The following KCNB2 variants were observed in gnomAD, a reference collection of about 807,000 sequenced individuals.
KCNB2 encodes the protein potassium voltage-gated channel subfamily B member 2.
In KCNB2, 15 loss-of-function variants were observed where a neutral mutation model predicts 61.5. The observed-to-expected ratio is 0.24, with a 90% CI of 0.16 to 0.38. KCNB2 has a LOEUF of 0.38. KCNB2 is among the 10% of genes least tolerant of loss of function. KCNB2 has a pLI of 1.00. For synonymous variants in KCNB2, 457 were observed against 446.0 expected, an observed-to-expected ratio of 1.02 and a Z score of -0.31; for missense variants, 828 against 1,125.2, an observed-to-expected ratio of 0.74 and a Z score of 3.78.
intron 2 of KCNB2, among the ~76,000 whole-genome samples, chr8:72,578,433 C>G (rs1402707905): frequency 1.3e-5 from 2 of 152,094 alleles, no homozygotes; most frequent in Non-Finnish European, 2.9e-5. Context: ...AAAAAGCTAA[C>G]ACACTTTATT....
At chr8:72,756,427 G>C (rs1454680678) in intron 2 of KCNB2, among the ~76,000 whole-genome samples, 2 of 152,210 alleles carry the variant, frequency 1.3e-5, no homozygotes, top group Admixed American at 6.5e-5. Flanking sequence ...TGCAAAGACA[G>C]TGATTGGAAC....
At chr8:72,766,584 T>G (rs1288540817) in intron 2 of KCNB2, among the ~76,000 whole-genome samples, 1 of 152,198 alleles carries the variant, frequency 6.6e-6, no homozygotes, top group Non-Finnish European at 1.5e-5. Flanking sequence ...GAGCACTTTC[T>G]TGAGTGAATT....
intron 2 of KCNB2, among the ~76,000 whole-genome samples, chr8:72,872,195 C>A (rs538384138): frequency 6.6e-6 from 1 of 152,282 alleles, no homozygotes. Context: ...GCATGTGGTG[C>A]ATTTTATGGA....
chr8:72,598,069 G>A (rs1807227986), intron 2 of KCNB2, among the ~76,000 whole-genome samples: 1 of 152,116 alleles, frequency 6.6e-6, no homozygotes, highest in South Asian at 2.1e-4. Flanking sequence ...CAAAGACATG[G>A]AATCAACCTA....
chr8:72,932,844 TA>T (rs200422449), intron 2 of KCNB2, among the ~76,000 whole-genome samples: 2 of 151,954 alleles, frequency 1.3e-5, no homozygotes, highest in Admixed American at 6.6e-5. Flanking sequence ...TTTATTGTGT[TA>T]AAAAAAACTC....
intron 2 of KCNB2, among the ~76,000 whole-genome samples, chr8:72,581,852 G>T (rs1449298977): frequency 1.3e-5 from 2 of 152,078 alleles, no homozygotes; most frequent in East Asian, 1.9e-4. Flanking sequence ...CTTTGCTAGG[G>T]TTGCTCATTT....
chr8:72,587,739 G>GA (rs890603716), intron 2 of KCNB2, among the ~76,000 whole-genome samples: 6 of 150,792 alleles, frequency 4.0e-5, no homozygotes, highest in East Asian at 3.9e-4. Context: ...GTCTCAATGG[G>GA]AAAAAAAAGG....
chr8:72,552,820 C>T (rs1241698475), intron 1 of KCNB2, among the ~76,000 whole-genome samples: 4 of 152,078 alleles, frequency 2.6e-5, no homozygotes, highest in Non-Finnish European at 4.4e-5. Context: ...AACACTTTCT[C>T]TGTAAGTATC....
chr8:72,680,157 C>A (rs1806728230), intron 2 of KCNB2, among the ~76,000 whole-genome samples: 1 of 152,166 alleles, frequency 6.6e-6, no homozygotes, highest in South Asian at 2.1e-4. Flanking sequence ...AACTCTAATT[C>A]TTTTACAGGC....
At chr8:72,726,383 C>T (rs923912011) in intron 2 of KCNB2, among the ~76,000 whole-genome samples, 5 of 152,272 alleles carry the variant, frequency 3.3e-5, no homozygotes, top group South Asian at 4.1e-4. Flanking sequence ...CATTTTGTTA[C>T]GGCAACCCAT....
intron 1 of KCNB2, among the ~76,000 whole-genome samples, chr8:72,539,038 AAAGTTT>A (rs1806154508): frequency 6.6e-6 from 1 of 151,104 alleles, no homozygotes; most frequent in Admixed American, 6.7e-5. Flanking sequence ...TCAAGAAAAT[AAAGTTT>A]TGTTTTATCT....
intron 2 of KCNB2, among the ~76,000 whole-genome samples, chr8:72,813,330 C>CTTT (rs78143664): frequency 1.3e-5 from 2 of 149,462 alleles, no homozygotes; most frequent in Admixed American, 6.7e-5. Context: ...AGTCTGAAGA[C>CTTT]TTTTTTTTTT....
intron 2 of KCNB2, among the ~76,000 whole-genome samples, chr8:72,791,393 T>A (rs964098079): frequency 2.0e-5 from 3 of 151,736 alleles, no homozygotes; most frequent in Admixed American, 6.6e-5. Flanking sequence ...CTACAAAAAA[T>A]AAAAAATTAG....
chr8:72,835,946 C>T (rs1255271858), intron 2 of KCNB2, among the ~76,000 whole-genome samples: 3 of 152,228 alleles, frequency 2.0e-5, no homozygotes, highest in African/African-American at 7.2e-5. Context: ...CTTGCTCTCA[C>T]TGCCTTTTTC....
intron 2 of KCNB2, among the ~76,000 whole-genome samples, chr8:72,714,323 C>A (rs1234090934): frequency 8.6e-5 from 13 of 152,040 alleles, no homozygotes; most frequent in Non-Finnish European, 1.8e-4. Flanking sequence ...CACAAAGATA[C>A]TCCTCGAGAA....
intron 2 of KCNB2, among the ~76,000 whole-genome samples, chr8:72,622,396 G>A (rs1805727465): frequency 6.6e-6 from 1 of 152,124 alleles, no homozygotes; most frequent in Non-Finnish European, 1.5e-5. Context: ...AATAATAGGA[G>A]ACATTCAAAC....
In KCNB2 at chr8:72,567,663, C is replaced by T. The variant is rs1806643947; in HGVS notation, c.-72C>T. 3.0e-6 allele frequency: 3 copies of T among 1,003,468 alleles called. No homozygotes were observed. Among genetic ancestry groups the T allele is most frequent in the Non-Finnish European group, 4.4e-6 (3 of 685,552 alleles). The allele number at this position is 1,003,468 out of a possible 1,614,324, so 62.2% of individuals were successfully genotyped here. A position where few individuals can be genotyped will look rare whatever the true frequency, so the allele number is the denominator to read the frequency against. On this transcript the variant is annotated 5_prime_UTR_variant, in exon 2 of 3. Transcript: ENST00000523207. ...CCAGCTTTGTCAGTGGAAATGCCTGCCCCAGAGGGATATTGCTTCAGTTGA... is the reference window on the plus strand; with the variant it reads ...CCAGCTTTGTCAGTGGAAATGCCTGTCCCAGAGGGATATTGCTTCAGTTGA...
chr8:72,568,303 T>A lies in KCNB2; in HGVS notation c.569T>A (p.Val190Glu). The A allele has an allele frequency of 6.2e-7, 1 of 1,611,004 alleles. No individual in the cohort carries two copies. The highest frequency in any genetic ancestry group is 8.5e-7 in the Non-Finnish European group (1 of 1,179,002). ...WDLLEKPNSS[V>E]AAKILAIVSI... ...TTGCTGGAGAAACCTAACTCATCAG[T>A]GGCTGCAAAGGTATGAAACCCATAG... Residue 190 changes from valine (V) to glutamate (E), a missense_variant, in exon 2 of 3, where the codon GTG (valine) becomes GAG (glutamate). Around this residue, in one of 4 missense-constraint regions of KCNB2, gnomAD observed 163 missense variants for 314.4 expected, o/e 0.52. Coordinates refer to ENST00000523207, the MANE Select transcript of KCNB2 (RefSeq NM_004770.3).
chr8:72,575,505 A>G (rs896968610), intron 2 of KCNB2, among the ~76,000 whole-genome samples: 1 of 152,120 alleles, frequency 6.6e-6, no homozygotes, highest in Admixed American at 6.6e-5. Context: ...TTCTCTTCCC[A>G]GAGAACCTAT....
Sources: allele counts gnomAD v4.1 joint callset (sites outside exome capture counted in the v4.1 genomes callset), GRCh38; gene constraint gnomAD v4.1.1; regional missense constraint gnomAD v4.1.1; transcripts MANE v1.5; gene names NCBI Gene and HGNC (gene_info 2026-07-23, HGNC 2026-07-21).